Variants in PFKFB2 observed in about 807,000 individuals in gnomAD.
PFKFB2 encodes 6-phosphofructo-2-kinase/fructose-2,6-biphosphatase 2.
Under a neutral mutation model 68.0 loss-of-function variants are expected in PFKFB2, and 53 were observed. The ratio of observed to expected loss-of-function variants is 0.78; its 90% CI spans 0.63 to 0.98. The LOEUF (loss-of-function observed/expected upper bound fraction) is 0.98. Among genes scored for constraint, PFKFB2 ranks in the 50% least tolerant of loss-of-function variants. PFKFB2 has a pLI of 0.00. For synonymous variants in PFKFB2, 222 were observed against 227.6 expected (o/e 0.98, Z 0.22); for missense variants, 451 against 642.0 (o/e 0.70, Z 3.22).
chr1:207,066,166 T>C (rs1683283310), intron 8 of PFKFB2, among the ~76,000 whole-genome samples: 1 of 152,208 alleles, frequency 6.6e-6, no homozygotes, highest in African/African-American at 2.4e-5. Flanking sequence ...TGGAAGCATT[T>C]GTTGGCAGTA....
At chr1:207,049,569 G>T, upstream of PFKFB2, 1 of 1,614,162 alleles carries the variant, frequency 6.2e-7, no homozygotes, top group East Asian at 2.2e-5. Flanking sequence ...CGACGACATA[G>T]TACACACTAG....
chr1:207,075,775 A>T lies in PFKFB2; in HGVS notation c.*3404A>T. 1.0e-6 allele frequency: 1 copy of T among 984,336 alleles called. No individual in the cohort carries two copies. The highest frequency in any genetic ancestry group is 1.2e-6 in the Non-Finnish European group (1 of 828,922). 61.0% of individuals were successfully genotyped at this position (984,336 alleles called of 1,614,324 possible). The stretch of plus-strand genomic sequence containing the variant: ...AGTTTTTTATAAATTTACTTGTCTA[A>T]AGTGGGGAAAGGGAAATTATTCTGT... On this transcript the variant is annotated 3_prime_UTR_variant, in exon 15 of 15. Transcript: ENST00000367080.
Position 207,076,502 on chromosome 1 carries a change from G to A in PFKFB2, c.*4131G>A, listed in dbSNP as rs1683626503. On this transcript the variant is annotated 3_prime_UTR_variant, in exon 15 of 15. Transcript: ENST00000367080. ...ATTGAAAATATGTAACAACTGAGTCGGGTTGCAGCACTGGTGGGGTAGAAT... is the reference window on the plus strand; with the variant it reads ...ATTGAAAATATGTAACAACTGAGTCAGGTTGCAGCACTGGTGGGGTAGAAT... 9 of 985,084 alleles carry A rather than the reference G, an allele frequency of 9.1e-6. No homozygotes were observed. Among genetic ancestry groups the A allele is most frequent in the Admixed American group, 1.2e-4 (2 of 16,244 alleles). The allele number at this position is 985,084 out of a possible 1,614,324, so 61.0% of individuals were successfully genotyped here.
Position 207,070,339 on chromosome 1 carries a change from C to T in PFKFB2, c.1152C>T (p.Gly384=). The change falls in exon 12 of 15, where the codon GGC becomes GGT. Residue 384 remains glycine, a synonymous_variant. Transcript: ENST00000367080. The surrounding 1 kb of genome is among the most constrained non-coding windows in gnomAD (Gnocchi z 4.2). ...TCATCATGGAGCTGGAACGTCAGGG[C>T]AATGTCCTCGTCATCTCCCACCAGG... ...EPVIMELERQ[G]NVLVISHQAV... is the part of the protein sequence containing the mutation. The T allele has an allele frequency of 6.2e-7, 1 of 1,613,922 alleles. No individual in the cohort carries two copies. Among genetic ancestry groups the T allele is most frequent in the East Asian group, 2.2e-5 (1 of 44,884 alleles).
At chr1:207,066,073 C>G (rs1683280027) in intron 8 of PFKFB2, among the ~76,000 whole-genome samples, 1 of 152,024 alleles carries the variant, frequency 6.6e-6, no homozygotes, top group African/African-American at 2.4e-5. Flanking sequence ...TTATATCTAT[C>G]TCTCTCTATA....
chr1:207,080,450 T>C (rs1483776935), downstream of PFKFB2: 1 of 152,210 alleles, frequency 6.6e-6, no homozygotes, highest in Non-Finnish European at 1.5e-5. Context: ...GGAGCTGCTT[T>C]TCTACGTACA....
chr1:207,079,038 C>T, downstream of PFKFB2: 1 of 1,598,108 alleles, frequency 6.3e-7, no homozygotes. Flanking sequence ...ATGTTCAGGC[C>T]TCACCTCTCC....
chr1:207,062,160 A>G (rs986857987), intron 3 of PFKFB2, 82 bp downstream of exon 3: 4 of 1,582,736 alleles, frequency 2.5e-6, no homozygotes, highest in Non-Finnish European at 3.5e-6. Context: ...TCTTCCTGGC[A>G]TCAATGCTAT....
chr1:207,076,252 CTTT>C lies in PFKFB2; in HGVS notation c.*3895_*3897del, dbSNP rs568062478. On this transcript the variant is annotated 3_prime_UTR_variant, in exon 15 of 15. Transcript: ENST00000367080. ...AATTCATCTATGTTACTTTTTTTTT[CTTT>C]TTTTTTTTTTTTTATGAGCAGGAGA... 5.6e-3 allele frequency: 4,735 copies of C among 846,262 alleles called. No individual in the cohort carries two copies. Among genetic ancestry groups the C allele is most frequent in the Non-Finnish European group, 6.1e-3 (4,338 of 716,252 alleles). 52.4% of individuals were successfully genotyped at this position (846,262 alleles called of 1,614,324 possible). A position where few individuals can be genotyped will look rare whatever the true frequency, so the allele number is the denominator to read the frequency against.
At chr1:207,040,619 A>T (rs1682457821) in intron 1 of PFKFB2, among the ~76,000 whole-genome samples, 1 of 152,256 alleles carries the variant, frequency 6.6e-6, no homozygotes, top group South Asian at 2.1e-4. Context: ...TCTGGTAAAC[A>T]TCCTCAAAAT....
intron 10 of PFKFB2, among the ~76,000 whole-genome samples, chr1:207,068,750 C>CTTTCT (rs796480240): frequency 0.05 from 7,272 of 145,412 alleles, 589 homozygotes; most frequent in African/African-American, 0.17. Context: ...ACATTTCTTT[C>CTTTCT]TTTTTTTTTT....
rs1215526354 is a variant in PFKFB2, at chr1:207,070,341, A to G, written c.1154A>G (p.Asn385Ser). The change falls in exon 12 of 15, where the codon AAT (asparagine) becomes AGT (serine). Residue 385 changes from asparagine to serine, a missense_variant. By Grantham distance (46) the Asn-to-Ser change is conservative. Coordinates refer to ENST00000367080, the MANE Select transcript of PFKFB2 (RefSeq NM_006212.2). This position sits in a 1 kb window ranked among gnomAD's most constrained non-coding sequence, Gnocchi z 4.2. ...PVIMELERQG[N>S]VLVISHQAVM... Reference sequence around the variant, plus strand: ...ATCATGGAGCTGGAACGTCAGGGCAATGTCCTCGTCATCTCCCACCAGGCT... The same window carrying G: ...ATCATGGAGCTGGAACGTCAGGGCAGTGTCCTCGTCATCTCCCACCAGGCT... The G allele has an allele frequency of 2.0e-5, 32 of 1,613,852 alleles. No individual in the cohort carries two copies. The highest frequency in any genetic ancestry group is 2.5e-5 in the Non-Finnish European group (30 of 1,180,000).
chr1:207,049,584 G>A (rs766211415), upstream of PFKFB2: 3 of 1,614,190 alleles, frequency 1.9e-6, no homozygotes, highest in Non-Finnish European at 1.7e-6. Context: ...CACTAGTAAA[G>A]AGGCAAGAGT....
chr1:207,079,053 G>A (rs374079970), downstream of PFKFB2: 40 of 1,558,014 alleles, frequency 2.6e-5, no homozygotes, highest in African/African-American at 3.0e-4. Context: ...CTCTCCAAAC[G>A]ACTGGGATCT....
chr1:207,056,970 G>C (rs2102339695), intron 2 of PFKFB2, among the ~76,000 whole-genome samples: 1 of 152,198 alleles, frequency 6.6e-6, no homozygotes, highest in South Asian at 2.1e-4. Flanking sequence ...ACCTGTGTTG[G>C]CTAACTTTGA....
chr1:207,036,104 G>T (rs1682372873), intron 1 of PFKFB2, among the ~76,000 whole-genome samples: 1 of 152,036 alleles, frequency 6.6e-6, no homozygotes, highest in African/African-American at 2.4e-5. Context: ...CATTCATGAG[G>T]GATCTGCCCC....
At chr1:207,042,378 T>C (rs1206789479) in intron 2 of PFKFB2, among the ~76,000 whole-genome samples, 2 of 151,304 alleles carry the variant, frequency 1.3e-5, no homozygotes, top group African/African-American at 4.9e-5. Flanking sequence ...GAAACCCCAT[T>C]CCTACTAAAA....
At chr1:207,050,767 T>C (rs1332988280), upstream of PFKFB2, 6 of 1,613,296 alleles carry the variant, frequency 3.7e-6, no homozygotes, top group Non-Finnish European at 5.1e-6. Flanking sequence ...CGACGAGGAT[T>C]CGCTGACCGC....
chr1:207,078,012 A>G (rs149721272), downstream of PFKFB2, among the ~76,000 whole-genome samples: 357 of 152,340 alleles, frequency 2.3e-3, 2 homozygotes, highest in African/African-American at 8.0e-3. Flanking sequence ...GAAGAACATT[A>G]TGGAAAGCAC....
Sources: gnomAD v4.1 joint callset for allele counts (sites outside exome capture counted in the v4.1 genomes callset) on GRCh38, gnomAD v4.1.1 for gene constraint, Gnocchi (gnomAD v3.1) non-coding constraint, MANE v1.5 for transcripts, NCBI Gene and HGNC (gene_info 2026-07-23, HGNC 2026-07-21) for gene names.